EXOC6: variants seen among roughly 807,000 people sequenced by gnomAD.
The protein encoded by EXOC6 is SEC15-like 1.
EXOC6 carries 60 observed loss-of-function variants against 112.5 expected under a neutral mutation model. The observed-to-expected ratio is 0.53, with a 90% CI of 0.43 to 0.66. EXOC6 has a LOEUF of 0.66. Ranked by LOEUF, EXOC6 falls within the 30% of genes least tolerant of loss-of-function variation. EXOC6 has a pLI of 0.00. For synonymous variants in EXOC6, 295 were observed against 308.0 expected (o/e 0.96, Z 0.44); for missense variants, 855 against 957.1 (o/e 0.89, Z 1.41).
intron 9 of EXOC6, among the ~76,000 whole-genome samples, chr10:92,932,279 C>T (rs1852084352): frequency 6.6e-6 from 1 of 151,922 alleles, no homozygotes; most frequent in Non-Finnish European, 1.5e-5. Flanking sequence ...TCAGTGGTGG[C>T]CAAGGGCTAT....
At chr10:92,989,080 C>T (rs1314813874) in intron 18 of EXOC6, among the ~76,000 whole-genome samples, 1 of 152,178 alleles carries the variant, frequency 6.6e-6, no homozygotes, top group Non-Finnish European at 1.5e-5. Context: ...TGTTTGTAGA[C>T]TTGCCTTCTT....
At chr10:92,914,465 G>A (rs1350981285) in intron 6 of EXOC6, among the ~76,000 whole-genome samples, 1 of 152,154 alleles carries the variant, frequency 6.6e-6, no homozygotes, top group Non-Finnish European at 1.5e-5. Flanking sequence ...TTTGAACTTA[G>A]AACCCTTTTT....
Position 92,909,500 on chromosome 10 carries a change from TGTCA to T in EXOC6, c.534_537del (p.Gln179SerfsTer2). On this transcript the variant is annotated frameshift_variant, in exon 6 of 22. Coordinates refer to ENST00000260762, the MANE Select transcript of EXOC6 (RefSeq NM_019053.6). LOFTEE classifies it high-confidence loss of function. ...TCCCTGGGTTAGTCAATACCGGTTT[TGTCA>T]GCTCATGATAGAAAATCTTCCCAAA... 1 of 1,613,670 alleles carries T rather than the reference TGTCA, an allele frequency of 6.2e-7. No individual in the cohort carries two copies. Among genetic ancestry groups the T allele is most frequent in the Non-Finnish European group, 8.5e-7 (1 of 1,179,688 alleles).
At chr10:92,992,496 G>T (rs1453351028) in intron 18 of EXOC6, among the ~76,000 whole-genome samples, 1 of 151,986 alleles carries the variant, frequency 6.6e-6, no homozygotes, top group Non-Finnish European at 1.5e-5. Flanking sequence ...TTGTGCATTT[G>T]TGAAATAATC....
rs201518674 is a variant in EXOC6, at chr10:92,930,371, C to T, written c.972+1949C>T. On this transcript the variant is annotated intron_variant, in intron 9 of 21. Coordinates refer to ENST00000260762, the MANE Select transcript of EXOC6 (RefSeq NM_019053.6). ...TACAAAAATTAGCCAGGCATAGTGG[C>T]GCGTGCCTGTAATCCCAGCTGCTCG... Among the ~76,000 whole-genome samples, 12 of 152,136 alleles carry T rather than the reference C, an allele frequency of 7.9e-5. No individual in the cohort carries two copies. In the East Asian group the frequency reaches 1.4e-3, roughly 17 times the overall value.
intron 20 of EXOC6, among the ~76,000 whole-genome samples, chr10:93,016,521 CTT>C (rs1010966766): frequency 6.6e-6 from 1 of 152,092 alleles, no homozygotes; most frequent in African/African-American, 2.4e-5. Context: ...CTAAAATTGT[CTT>C]TTTGAACTCA....
At chr10:92,921,721 C>A (rs545586040) in intron 8 of EXOC6, among the ~76,000 whole-genome samples, 1 of 149,778 alleles carries the variant, frequency 6.7e-6, no homozygotes, top group Non-Finnish European at 1.5e-5. Context: ...GATCACAGCT[C>A]ACTGCAGCCT....
chr10:92,893,757 G>A (rs1849619338), intron 2 of EXOC6, among the ~76,000 whole-genome samples: 1 of 152,142 alleles, frequency 6.6e-6, no homozygotes, highest in Non-Finnish European at 1.5e-5. Context: ...TCCATGCAGG[G>A]AAGTGAACTC....
At chr10:92,899,542 G>T in intron 4 of EXOC6, 57 bp from the exon 5 acceptor site, 3 of 1,195,600 alleles carry the variant, frequency 2.5e-6, no homozygotes, top group Non-Finnish European at 3.6e-6. Flanking sequence ...TTATTTTCAT[G>T]TCTCAAAATA....
At chr10:93,051,283 A>G (rs1029628937) in intron 20 of EXOC6, among the ~76,000 whole-genome samples, 7 of 152,206 alleles carry the variant, frequency 4.6e-5, no homozygotes, top group African/African-American at 1.7e-4. Context: ...TGAAGAGACT[A>G]ATTCCTTTAA....
chr10:92,854,352 A>G (rs1192416491), intron 1 of EXOC6, among the ~76,000 whole-genome samples: 1 of 151,502 alleles, frequency 6.6e-6, no homozygotes, highest in Non-Finnish European at 1.5e-5. Context: ...CAGGGGAATC[A>G]CTTGAACCTG....
At chr10:93,014,317 T>C (rs2134236780) in intron 20 of EXOC6, 50 bp downstream of exon 20, 1 of 1,400,230 alleles carries the variant, frequency 7.1e-7, no homozygotes, top group Non-Finnish European at 1.0e-6. Context: ...ACTCTTGCCC[T>C]CCCCTCACTT....
chr10:92,990,834 C>G (rs1200928298), intron 18 of EXOC6, among the ~76,000 whole-genome samples: 2 of 152,038 alleles, frequency 1.3e-5, no homozygotes, highest in Admixed American at 6.6e-5. Flanking sequence ...CATTTTTTCC[C>G]CCATCATAAC....
intron 20 of EXOC6, among the ~76,000 whole-genome samples, chr10:93,056,721 C>T (rs1220442507): frequency 2.0e-5 from 3 of 151,836 alleles, no homozygotes; most frequent in Admixed American, 6.6e-5. Flanking sequence ...AGAAAACAAC[C>T]CCTGGCATTT....
At position 93,050,616 on chromosome 10, in the gene EXOC6, C is replaced by T. The variant is rs1235136299; in HGVS notation, c.2170-6308C>T. Among the ~76,000 whole-genome samples, 4 of 151,842 alleles carry T rather than the reference C, an allele frequency of 2.6e-5. No homozygotes were observed. The East Asian group carries it at 5.8e-4, about 22-fold the overall frequency. On this transcript the variant is annotated intron_variant, in intron 20 of 21. Coordinates refer to ENST00000260762, the MANE Select transcript of EXOC6 (RefSeq NM_019053.6). Reference sequence around the variant, plus strand: ...CTAACTAAAAATACAAAAAATTAGCCGGGCATGGTGGCGTGTGCCTGTAAT... The same window carrying T: ...CTAACTAAAAATACAAAAAATTAGCTGGGCATGGTGGCGTGTGCCTGTAAT...
At position 92,946,356 on chromosome 10, in the gene EXOC6, C is replaced by T. The variant is rs371793164; in HGVS notation, c.1311-1918C>T. ...CTGCAGTGAGCCGAAATTGCACCAC[C>T]GCACTCCAGCCTGGGCGACAGAGTG... On this transcript the variant is annotated intron_variant, in intron 13 of 21. Coordinates refer to ENST00000260762, the MANE Select transcript of EXOC6 (RefSeq NM_019053.6). 7.3e-5 allele frequency among the ~76,000 whole-genome samples: 11 copies of T among 151,470 alleles called. No homozygotes were observed. In the East Asian group the frequency reaches 7.8e-4, roughly 11 times the overall value.
At chr10:92,900,650 G>A (rs1468867223) in intron 5 of EXOC6, 9 of 144,674 alleles carry the variant, frequency 6.2e-5, no homozygotes, top group Non-Finnish European at 1.1e-4. Flanking sequence ...ATTTTCCTAC[G>A]CGTTTGCTGC....
At chr10:92,837,400 G>A (rs1846695741) in intron 1 of EXOC6, among the ~76,000 whole-genome samples, 1 of 152,256 alleles carries the variant, frequency 6.6e-6, no homozygotes, top group Admixed American at 6.5e-5. Flanking sequence ...GCTACATGCA[G>A]TGGCTCATGC....
chr10:93,036,261 T>A (rs1845511748), intron 20 of EXOC6, among the ~76,000 whole-genome samples: 1 of 151,982 alleles, frequency 6.6e-6, no homozygotes, highest in African/African-American at 2.4e-5. Flanking sequence ...TATTTTCCCC[T>A]CCTCTTCAGT....
Sources: allele counts gnomAD v4.1 joint callset (sites outside exome capture counted in the v4.1 genomes callset), GRCh38; gene constraint gnomAD v4.1.1; transcripts MANE v1.5; gene names NCBI Gene and HGNC (gene_info 2026-07-23, HGNC 2026-07-21).